MAST4: variants seen among roughly 807,000 people sequenced by gnomAD.
MAST4 encodes microtubule-associated serine/threonine-protein kinase 4.
Under a neutral mutation model 162.7 loss-of-function variants are expected in MAST4, and 89 were observed. The ratio of observed to expected loss-of-function variants is 0.55; its 90% confidence interval spans 0.46 to 0.65. MAST4 has a LOEUF of 0.65. Ranked by LOEUF, MAST4 falls within the 30% of genes least tolerant of loss-of-function variation. MAST4 has a pLI of 0.00. For missense variants in MAST4, 3,153 were observed against 3,374.0 expected (o/e 0.93, Z 1.62); for synonymous variants, 1,479 against 1,361.1 (o/e 1.09, Z -1.91).
chr5:67,126,954 T>C (rs2150976380), intron 14 of MAST4, among the ~76,000 whole-genome samples: 1 of 152,338 alleles, frequency 6.6e-6, no homozygotes, highest in East Asian at 1.9e-4. Flanking sequence ...GAAGAGTTCC[T>C]TTACATCCCT....
chr5:66,837,702 C>A (rs1336950464), intron 3 of MAST4, among the ~76,000 whole-genome samples: 1 of 151,434 alleles, frequency 6.6e-6, no homozygotes, highest in African/African-American at 2.4e-5. Flanking sequence ...TGGTGTGCAG[C>A]CAGAGTTGAA....
chr5:67,131,463 G>A (rs1421909329), intron 15 of MAST4, among the ~76,000 whole-genome samples: 1 of 152,074 alleles, frequency 6.6e-6, no homozygotes, highest in African/African-American at 2.4e-5. Context: ...AAGAGGCAGA[G>A]CTAGGATTTG....
intron 3 of MAST4, among the ~76,000 whole-genome samples, chr5:66,798,913 C>T (rs1332291454): frequency 6.6e-6 from 1 of 152,100 alleles, no homozygotes; most frequent in African/African-American, 2.4e-5. Context: ...TTCCTAAATA[C>T]AGTGATGAAG....
At chr5:66,764,283 CCTT>C (rs1337092980) in intron 2 of MAST4, among the ~76,000 whole-genome samples, 16 of 152,160 alleles carry the variant, frequency 1.1e-4, no homozygotes. Flanking sequence ...GGCATCATCT[CCTT>C]ATGAAAGACA....
At chr5:66,870,214 A>G (rs1291000999) in intron 3 of MAST4, among the ~76,000 whole-genome samples, 1 of 152,166 alleles carries the variant, frequency 6.6e-6, no homozygotes, top group African/African-American at 2.4e-5. Context: ...ATAAAATACA[A>G]TGTGCATTTA....
chr5:66,771,600 C>G (rs767873131), intron 2 of MAST4, among the ~76,000 whole-genome samples: 22 of 152,170 alleles, frequency 1.4e-4, no homozygotes, highest in Admixed American at 2.6e-4. Context: ...TTCCTCCCCC[C>G]ACTCCCCTGC....
chr5:66,837,054 A>G (rs372347681), intron 3 of MAST4, among the ~76,000 whole-genome samples: 1,193 of 69,504 alleles, frequency 0.017, 11 homozygotes, highest in African/African-American at 0.052. Flanking sequence ...GTGTGTGTGT[A>G]TGTATACTGT....
Position 66,722,520 on chromosome 5 carries a change from C to G in MAST4, c.364-37189C>G, listed in dbSNP as rs187238608. 2.7e-5 allele frequency among the ~76,000 whole-genome samples: 4 copies of G among 149,314 alleles called. No homozygotes were observed. The East Asian group carries it at 7.9e-4, about 29-fold the overall frequency. On this transcript the variant is annotated intron_variant, in intron 1 of 28. Transcript: ENST00000403625. ...TATATAATTTTTATTTATTTATTGT[C>G]CACCTCTCTCATCAGAATGTGAATC...
chr5:66,857,723 T>A (rs1035945238), intron 3 of MAST4, among the ~76,000 whole-genome samples: 1 of 152,194 alleles, frequency 6.6e-6, no homozygotes, highest in Non-Finnish European at 1.5e-5. Flanking sequence ...GTCCACTAAT[T>A]TTATTATTTC....
At chr5:66,639,221 G>C (rs1745319428) in intron 1 of MAST4, among the ~76,000 whole-genome samples, 1 of 151,540 alleles carries the variant, frequency 6.6e-6, no homozygotes, top group African/African-American at 2.4e-5. Context: ...GGAACCAAGA[G>C]AGGAGGGTAT....
chr5:66,716,157 A>G (rs1334993393), intron 1 of MAST4, among the ~76,000 whole-genome samples: 1 of 152,202 alleles, frequency 6.6e-6, no homozygotes, highest in African/African-American at 2.4e-5. Flanking sequence ...AGGAACTATA[A>G]AAATTTGAGC....
chr5:67,102,995 A>T (rs2150863845), intron 9 of MAST4, among the ~76,000 whole-genome samples: 2 of 152,320 alleles, frequency 1.3e-5, no homozygotes, highest in East Asian at 3.9e-4. Flanking sequence ...AGAAGCCTGT[A>T]GATTGGTGTG....
intron 3 of MAST4, among the ~76,000 whole-genome samples, chr5:66,844,343 A>G (rs1758657994): frequency 6.6e-6 from 1 of 151,952 alleles, no homozygotes; most frequent in African/African-American, 2.4e-5. Flanking sequence ...TATTAATGGA[A>G]CCACTTTGGA....
At chr5:67,020,808 T>C (rs1335218726) in intron 4 of MAST4, among the ~76,000 whole-genome samples, 1 of 152,194 alleles carries the variant, frequency 6.6e-6, no homozygotes, top group Non-Finnish European at 1.5e-5. Flanking sequence ...TGTGACGCAC[T>C]TAGAGCAAGT....
At chr5:66,999,406 T>C (rs887424624) in intron 4 of MAST4, among the ~76,000 whole-genome samples, 1 of 152,198 alleles carries the variant, frequency 6.6e-6, no homozygotes, top group Middle Eastern at 3.2e-3. Flanking sequence ...AAGGAGTCAC[T>C]CACTGCCTTG....
intron 1 of MAST4, among the ~76,000 whole-genome samples, chr5:66,618,579 A>G (rs1328340072): frequency 2.6e-5 from 4 of 152,226 alleles, no homozygotes; most frequent in Non-Finnish European, 5.9e-5. Flanking sequence ...TTAATGTCTC[A>G]TTACAGAACT....
At chr5:66,797,802 A>G (rs1054634692) in intron 3 of MAST4, among the ~76,000 whole-genome samples, 21 of 152,226 alleles carry the variant, frequency 1.4e-4, no homozygotes, top group Middle Eastern at 6.8e-3. Flanking sequence ...TGGAAATTGC[A>G]TACAGTGTGA....
At chr5:66,965,264 G>A (rs1581038159) in intron 4 of MAST4, among the ~76,000 whole-genome samples, 1 of 71,502 alleles carries the variant, frequency 1.4e-5, no homozygotes, top group African/African-American at 5.6e-5. Context: ...GAATTCCTTT[G>A]CTCTTCTAAT....
chr5:67,152,724 G>C lies in MAST4; in HGVS notation c.3383G>C (p.Ser1128Thr). 1 of 1,614,008 alleles carries C rather than the reference G, an allele frequency of 6.2e-7. No individual in the cohort carries two copies. Among genetic ancestry groups the C allele is most frequent in the Non-Finnish European group, 8.5e-7 (1 of 1,179,886 alleles). The change falls in exon 25 of 29, where the codon AGC becomes ACC. Residue 1128 changes from serine (S) to threonine (T), a missense_variant. Ser to Thr is a moderately conservative substitution (Grantham distance 58, BLOSUM62 1). Around this residue, in one of 7 missense-constraint regions of MAST4, gnomAD observed 619 missense variants for 744.2 expected, o/e 0.83. Coordinates refer to ENST00000403625, the MANE Select transcript of MAST4 (RefSeq NM_001164664.2). The part of the protein sequence containing the change: ...DPSSSRDSSP[S>T]RDSSAASASP... ...TCTTCTTCACGAGATTCCTCTCCCA[G>C]CCGAGATTCCTCAGCAGCTTCTGCC...
Sources: gnomAD v4.1 joint callset for allele counts (sites outside exome capture counted in the v4.1 genomes callset) on GRCh38, gnomAD v4.1.1 for gene constraint, gnomAD v4.1.1 regional missense constraint, MANE v1.5 for transcripts, NCBI Gene and HGNC (gene_info 2026-07-23, HGNC 2026-07-21) for gene names.